PMVK: variants seen among roughly 807,000 people sequenced by gnomAD.
The protein encoded by PMVK is phosphomevalonate kinase.
In PMVK, 10 loss-of-function variants were observed where a neutral mutation model predicts 19.0. The observed-to-expected ratio is 0.53, with a 90% CI of 0.32 to 0.89. PMVK has a LOEUF of 0.89. PMVK is among the 40% of genes least tolerant of loss of function. The probability of loss-of-function intolerance (pLI) is 0.03; values close to 1 mark genes in which losing one functional copy is unlikely to be tolerated. For missense variants in PMVK, 222 were observed against 251.1 expected (o/e 0.88, Z 0.78); for synonymous variants, 108 against 101.6 (o/e 1.06, Z -0.38).
chr1:154,927,600 T>A (rs987239975), intron 3 of PMVK, among the ~76,000 whole-genome samples: 1 of 151,616 alleles, frequency 6.6e-6, no homozygotes, highest in Admixed American at 6.6e-5. Flanking sequence ...CTGTAGTGAC[T>A]CCCCATCTCA....
chr1:154,935,305 A>G (rs1654468804), intron 1 of PMVK, among the ~76,000 whole-genome samples: 1 of 151,984 alleles, frequency 6.6e-6, no homozygotes, highest in Non-Finnish European at 1.5e-5. Flanking sequence ...GCTCTCCCAC[A>G]CCTTCATAGA....
upstream of PMVK, among the ~76,000 whole-genome samples, chr1:154,941,119 G>A (rs150197456): frequency 4.9e-3 from 753 of 152,330 alleles, 6 homozygotes; most frequent in African/African-American, 0.018. Flanking sequence ...TGGGGTTTCC[G>A]ACTTCAAATC....
Position 154,932,293 on chromosome 1 carries a change from CT to C in PMVK, c.159+58del. 6 of 1,242,406 alleles carry C rather than the reference CT, an allele frequency of 4.8e-6. No homozygotes were observed. In the South Asian group the frequency reaches 7.3e-5, roughly 15 times the overall value. 77.0% of individuals were successfully genotyped at this position (1,242,406 alleles called of 1,614,324 possible). ...CCAGTGACTCAGGCAGCAGCCACAGCTCCAAAGTCCTGGAGCCGGCCCCGCC... is the reference window on the plus strand; with the variant it reads ...CCAGTGACTCAGGCAGCAGCCACAGCCCAAAGTCCTGGAGCCGGCCCCGCC... On this transcript the variant is annotated intron_variant, in intron 2 of 4. Transcript: ENST00000368467.
At chr1:154,933,851 T>A (rs1654421197) in intron 1 of PMVK, among the ~76,000 whole-genome samples, 1 of 152,092 alleles carries the variant, frequency 6.6e-6, no homozygotes, top group East Asian at 1.9e-4. Context: ...TGGAGTACAG[T>A]GGCACCATCT....
chr1:154,929,283 G>A (rs1044812008), intron 2 of PMVK, 107 bp from the exon 3 acceptor site: 48 of 1,007,946 alleles, frequency 4.8e-5, no homozygotes, highest in Middle Eastern at 4.6e-4. Flanking sequence ...CCCCAGGGCT[G>A]ATGCAAGGAT....
chr1:154,936,870 A>C (rs563208471), upstream of PMVK: 17 of 592,846 alleles, frequency 2.9e-5, no homozygotes, highest in South Asian at 1.9e-4. Flanking sequence ...GTCCAAACAG[A>C]TATGGGGAGA....
At chr1:154,937,354 C>A (rs1479975775), upstream of PMVK, 4 of 152,338 alleles carry the variant, frequency 2.6e-5, no homozygotes, top group Admixed American at 6.5e-5. Flanking sequence ...ATTTTATAAC[C>A]CGAGACGTCA....
chr1:154,938,243 CAAT>C (rs891077378), upstream of PMVK, among the ~76,000 whole-genome samples: 5 of 152,190 alleles, frequency 3.3e-5, no homozygotes, highest in African/African-American at 1.2e-4. Flanking sequence ...TCACCTGACC[CAAT>C]GCACGCCCCT....
upstream of PMVK, chr1:154,937,490 C>A (rs1026113768): frequency 5.9e-5 from 9 of 152,274 alleles, no homozygotes; most frequent in African/African-American, 1.9e-4. Context: ...CGTTGAATCC[C>A]TAGATGAGAT....
At chr1:154,930,656 C>T (rs1467450723) in intron 2 of PMVK, among the ~76,000 whole-genome samples, 3 of 151,028 alleles carry the variant, frequency 2.0e-5, no homozygotes, top group Non-Finnish European at 3.0e-5. Flanking sequence ...AGGCTCAGTG[C>T]CTTCCCCTTC....
intron 3 of PMVK, among the ~76,000 whole-genome samples, chr1:154,928,774 A>AAAATAAATAAAT (rs55948301): frequency 2.7e-3 from 384 of 142,074 alleles, no homozygotes; most frequent in African/African-American, 7.1e-3. Flanking sequence ...CTCCATCTCA[A>AAAATAAATAAAT]AAATAAATAA....
chr1:154,932,612 C>T (rs1168519599), intron 1 of PMVK, among the ~76,000 whole-genome samples, 197 bp from the exon 2 acceptor site: 1 of 152,176 alleles, frequency 6.6e-6, no homozygotes, highest in Admixed American at 6.5e-5. Context: ...GTCTCCCACA[C>T]AGGATTATTA....
In PMVK at chr1:154,925,312, C is replaced by T. The variant is rs764916022; in HGVS notation, c.443-47G>A. On this transcript the variant is annotated intron_variant, in intron 4 of 4. Coordinates refer to ENST00000368467, the MANE Select transcript of PMVK (RefSeq NM_006556.4). ...GTCAGGCCTCAGCCCTCCAGACAGACAGCAGGCATCAAGGCCTGCTAACCC... is the reference window on the plus strand; with the variant it reads ...GTCAGGCCTCAGCCCTCCAGACAGATAGCAGGCATCAAGGCCTGCTAACCC... The T allele has an allele frequency of 6.2e-6, 10 of 1,608,346 alleles. No individual in the cohort carries two copies. In the East Asian group the frequency reaches 1.6e-4, roughly 25 times the overall value.
At chr1:154,935,635 T>C (rs1011392047) in intron 1 of PMVK, among the ~76,000 whole-genome samples, 1 of 152,232 alleles carries the variant, frequency 6.6e-6, no homozygotes, top group African/African-American at 2.4e-5. Flanking sequence ...ATTTGAATCC[T>C]GGATTTGCCA....
At chr1:154,937,659 C>A (rs780147832), upstream of PMVK, 1 of 152,174 alleles carries the variant, frequency 6.6e-6, no homozygotes, top group Non-Finnish European at 1.5e-5. Flanking sequence ...TATGACTTGC[C>A]GTCCTGCATT....
Position 154,925,039 on chromosome 1 carries a change from C to A in PMVK, c.*90G>T. 8.4e-7 allele frequency: 1 copy of A among 1,188,286 alleles called. No homozygotes were observed. The allele number at this position is 1,188,286 out of a possible 1,614,324, so 73.6% of individuals were successfully genotyped here. ...CTAGACCCCCCCTGTCTGTTCCTCA[C>A]CTCGGCCAGGATCGGGGGACACCCC... On this transcript the variant is annotated 3_prime_UTR_variant, in exon 5 of 5. Transcript: ENST00000368467.
chr1:154,925,964 G>C (rs1392802520), intron 4 of PMVK, among the ~76,000 whole-genome samples: 1 of 152,176 alleles, frequency 6.6e-6, no homozygotes, highest in Non-Finnish European at 1.5e-5. Flanking sequence ...CCACAGAGCG[G>C]GTCCTGGGCT....
upstream of PMVK, among the ~76,000 whole-genome samples, chr1:154,939,556 C>A (rs1178215919): frequency 6.6e-5 from 10 of 151,426 alleles, no homozygotes; most frequent in South Asian, 4.2e-4. Flanking sequence ...AACAGCCAAG[C>A]GTGGTGGCAG....
the PMVK span, among the ~76,000 whole-genome samples, chr1:154,942,586 C>T: frequency 1.3e-5 from 2 of 152,236 alleles, no homozygotes; most frequent in South Asian, 2.1e-4. Context: ...CCCTTGGGTT[C>T]GTGGCTTTTT....
Sources: allele counts gnomAD v4.1 joint callset (sites outside exome capture counted in the v4.1 genomes callset), GRCh38; gene constraint gnomAD v4.1.1; transcripts MANE v1.5; gene names NCBI Gene and HGNC (gene_info 2026-07-23, HGNC 2026-07-21).